The following MRPL14 variants were observed in gnomAD, a reference collection of about 807,000 sequenced individuals.
MRPL14 encodes mitochondrial ribosomal protein L14.
MRPL14 carries 8 observed loss-of-function variants against 10.9 expected under a neutral mutation model. The observed-to-expected ratio is 0.74, with a 90% CI of 0.43 to 1.33. The LOEUF (loss-of-function observed/expected upper bound fraction) is 1.33, where lower values mean the gene tolerates loss of function less well. Among genes scored for constraint, MRPL14 ranks in the 40% most tolerant of loss-of-function variants. The probability of loss-of-function intolerance (pLI) is 0.01; values close to 1 mark genes in which losing one functional copy is unlikely to be tolerated. For missense variants in MRPL14, 179 were observed against 194.5 expected (o/e 0.92, Z 0.47); for synonymous variants, 82 against 74.1 (o/e 1.11, Z -0.54).
intron 1 of MRPL14, among the ~76,000 whole-genome samples, chr6:44,121,776 C>T (rs1417968883): frequency 1.3e-5 from 2 of 152,096 alleles, no homozygotes; most frequent in Admixed American, 6.5e-5. Context: ...CCCGTCTCTA[C>T]CAAAAATACA....
At chr6:44,120,948 CCTGGTG>C (rs1776348014) in intron 1 of MRPL14, among the ~76,000 whole-genome samples, 1 of 152,166 alleles carries the variant, frequency 6.6e-6, no homozygotes, top group Admixed American at 6.5e-5. Flanking sequence ...ACCTCCTGGG[CCTGGTG>C]CCTACACTGC....
At position 44,113,663 on chromosome 6, in the gene MRPL14, C is replaced by T; in HGVS notation, c.*180G>A. On this transcript the variant is annotated 3_prime_UTR_variant, in exon 3 of 3. Transcript: ENST00000372014. ...CAACTGCTTCAGTGTAATTTATTTT[C>T]CCACATCCCAGAAAGCTCTGGAAAA... 1.6e-6 allele frequency: 1 copy of T among 636,718 alleles called. No homozygotes were observed. Among genetic ancestry groups the T allele is most frequent in the Non-Finnish European group, 2.4e-6 (1 of 417,826 alleles). 39.4% of individuals were successfully genotyped at this position (636,718 alleles called of 1,614,324 possible). A position where few individuals can be genotyped will look rare whatever the true frequency, so the allele number is the denominator to read the frequency against.
At chr6:44,118,168 T>G (rs956777794) in intron 1 of MRPL14, among the ~76,000 whole-genome samples, 1 of 152,178 alleles carries the variant, frequency 6.6e-6, no homozygotes, top group African/African-American at 2.4e-5. Flanking sequence ...AATCACAGAC[T>G]ACCAAATGAG....
chr6:44,113,741 T>A lies in MRPL14; in HGVS notation c.*102A>T. On this transcript the variant is annotated 3_prime_UTR_variant, in exon 3 of 3. Coordinates refer to ENST00000372014, the MANE Select transcript of MRPL14 (RefSeq NM_032111.4). ...CACAGGATACTACACTGTTACCCAG[T>A]GTGAAGGGAGCAGCCATGTGGCTCC... 8.0e-7 allele frequency: 1 copy of A among 1,245,302 alleles called. No homozygotes were observed. The highest frequency in any genetic ancestry group is 1.1e-6 in the Non-Finnish European group (1 of 896,548). The allele number at this position is 1,245,302 out of a possible 1,614,324, so 77.1% of individuals were successfully genotyped here.
chr6:44,119,217 T>C (rs908478862), intron 1 of MRPL14, among the ~76,000 whole-genome samples: 3 of 152,012 alleles, frequency 2.0e-5, no homozygotes, highest in Non-Finnish European at 4.4e-5. Context: ...AAATCATTCT[T>C]GTTCCATCAA....
At position 44,120,296 on chromosome 6, in the gene MRPL14, TTGAGA is replaced by T. The variant is rs1441754036; in HGVS notation, c.-18-3672_-18-3668del. On this transcript the variant is annotated intron_variant, in intron 1 of 2. Coordinates refer to ENST00000372014, the MANE Select transcript of MRPL14 (RefSeq NM_032111.4). ...CCCACAATGAGTAAATTTGTATACT[TTGAGA>T]TAAGTCTGATGTCCTTTAACATTCT... 7.2e-5 allele frequency among the ~76,000 whole-genome samples: 11 copies of T among 152,330 alleles called. No individual in the cohort carries two copies. In the East Asian group the frequency reaches 1.5e-3, roughly 21 times the overall value.
chr6:44,120,568 A>G (rs951747512), intron 1 of MRPL14, among the ~76,000 whole-genome samples: 1 of 152,220 alleles, frequency 6.6e-6, no homozygotes, highest in Non-Finnish European at 1.5e-5. Flanking sequence ...GGACTCAGAC[A>G]TCAAATGGCC....
intron 1 of MRPL14, among the ~76,000 whole-genome samples, chr6:44,119,397 G>A (rs561834523): frequency 3.4e-4 from 51 of 151,954 alleles, no homozygotes; most frequent in African/African-American, 7.5e-4. Context: ...GCATGGTGGC[G>A]GCCGCCTGTA....
intron 2 of MRPL14, among the ~76,000 whole-genome samples, chr6:44,115,989 G>A (rs1041487045): frequency 7.2e-5 from 11 of 152,266 alleles, no homozygotes; most frequent in Admixed American, 3.3e-4. Flanking sequence ...ATTCTTTCAG[G>A]ACAGAAAGCA....
chr6:44,126,856 C>G (rs1317037120), intron 1 of MRPL14: 1 of 152,258 alleles, frequency 6.6e-6, no homozygotes, highest in Non-Finnish European at 1.5e-5. Flanking sequence ...ACCCCCTGGC[C>G]TGGGGGAGGG....
rs1489322463 is a variant in MRPL14, at chr6:44,114,761, G to GTCA, written c.72-553_72-552insTGA. Among the ~76,000 whole-genome samples, 4 of 152,232 alleles carry GTCA rather than the reference G, an allele frequency of 2.6e-5. No homozygotes were observed. In the East Asian group the frequency reaches 5.8e-4, roughly 22 times the overall value. ...GTAGCTAGGAATACATGCGCCTGCT[G>GTCA]CCATGCCCAGCTAATTTTTTGTATT... On this transcript the variant is annotated intron_variant, in intron 2 of 2. Transcript: ENST00000372014.
intron 1 of MRPL14, among the ~76,000 whole-genome samples, chr6:44,123,955 T>A (rs1364869923): frequency 6.6e-6 from 1 of 151,900 alleles, no homozygotes; most frequent in Non-Finnish European, 1.5e-5. Flanking sequence ...GATTTGTATA[T>A]TTTATCTACT....
chr6:44,113,949 T>G lies in MRPL14; in HGVS notation c.332A>C (p.Asn111Thr). The G allele has an allele frequency of 6.2e-7, 1 of 1,613,934 alleles. No individual in the cohort carries two copies. Among genetic ancestry groups the G allele is most frequent in the Non-Finnish European group, 8.5e-7 (1 of 1,179,788 alleles). The change falls in exon 3 of 3, where the codon AAC becomes ACC. Residue 111 changes from asparagine (N) to threonine (T), a missense_variant. Physicochemically the swap from Asn to Thr is moderately conservative, Grantham distance 65. Transcript: ENST00000372014. ...DSNNVVLIED[N>T]GNPVGTRIKT... ...AATTCGTGTCCCCACAGGGTTCCCG[T>G]TGTCCTCAATGAGGACCACGTTGTT...
In MRPL14 at chr6:44,113,874, T is replaced by C. The variant is rs781328896; in HGVS notation, c.407A>G (p.Lys136Arg). 7 of 1,590,266 alleles carry C rather than the reference T, an allele frequency of 4.4e-6. No homozygotes were observed. In the South Asian group the frequency reaches 5.7e-5, roughly 13 times the overall value. The change falls in exon 3 of 3, where the codon AAG becomes AGG. Residue 136 changes from lysine to arginine, a missense_variant. Physicochemically the swap from Lys to Arg is conservative, Grantham distance 26 (BLOSUM62 2). Transcript: ENST00000372014. ...AAAGTTCTGAGCAATGGCCAGCACCTTGGAATACTCGCCTTCCCGCTTGCG... is the reference window on the plus strand; with the variant it reads ...AAAGTTCTGAGCAATGGCCAGCACCCTGGAATACTCGCCTTCCCGCTTGCG... ...SLRKREGEYS[K>R]VLAIAQNFV
intron 1 of MRPL14, among the ~76,000 whole-genome samples, chr6:44,122,304 C>T (rs1776523542): frequency 2.0e-5 from 3 of 152,016 alleles, no homozygotes; most frequent in Admixed American, 1.3e-4. Context: ...AGGATGGTCT[C>T]GATCTCCTGA....
intron 2 of MRPL14, among the ~76,000 whole-genome samples, chr6:44,115,807 GC>G (rs1322014256): frequency 6.6e-6 from 1 of 152,108 alleles, no homozygotes; most frequent in African/African-American, 2.4e-5. Flanking sequence ...GACAGGATCT[GC>G]CCCCATCTCC....
chr6:44,120,999 T>C (rs1776354707), intron 1 of MRPL14, among the ~76,000 whole-genome samples: 1 of 152,148 alleles, frequency 6.6e-6, no homozygotes, highest in Non-Finnish European at 1.5e-5. Context: ...ACCACTAAAA[T>C]AACTGTTTCA....
chr6:44,118,125 A>C (rs1776046040), intron 1 of MRPL14, among the ~76,000 whole-genome samples: 1 of 152,212 alleles, frequency 6.6e-6, no homozygotes, highest in African/African-American at 2.4e-5. Flanking sequence ...AAGGCAGCTA[A>C]TGTATGCAAC....
chr6:44,120,487 ACTTCC>A (rs1010499833), intron 1 of MRPL14, among the ~76,000 whole-genome samples: 5 of 152,212 alleles, frequency 3.3e-5, no homozygotes, highest in Non-Finnish European at 7.3e-5. Flanking sequence ...TCTAGGAAGC[ACTTCC>A]CAATTCAGTG....
Sources: allele counts gnomAD v4.1 joint callset (sites outside exome capture counted in the v4.1 genomes callset), GRCh38; gene constraint gnomAD v4.1.1; transcripts MANE v1.5; gene names NCBI Gene and HGNC (gene_info 2026-07-23, HGNC 2026-07-21).